PRDM16: variants seen among roughly 807,000 people sequenced by gnomAD.
PRDM16 encodes the protein histone-lysine N-methyltransferase PRDM16.
In PRDM16, 23 loss-of-function variants were observed where a neutral mutation model predicts 110.6. That is an observed-to-expected ratio of 0.21 (90% CI 0.15 to 0.29). PRDM16 has a LOEUF of 0.29. PRDM16 is among the 10% of genes least tolerant of loss of function. The pLI is 1.00. For synonymous variants in PRDM16, 799 were observed against 781.8 expected (o/e 1.02, Z -0.37); for missense variants, 1,615 against 1,794.3 (o/e 0.90, Z 1.81).
In PRDM16 at chr1:3,209,015, G is replaced by C. The variant is rs1007176402; in HGVS notation, c.387+22541G>C. On this transcript the variant is annotated intron_variant, in intron 2 of 16. Coordinates refer to ENST00000270722, the MANE Select transcript of PRDM16 (RefSeq NM_022114.4). The surrounding 1 kb of genome is among the most constrained non-coding windows in gnomAD (Gnocchi z 4.6). Reference sequence around the variant, plus strand: ...AGTGACCACCTGCTTCTCAGCAGGTGGCTGGGACTTAACTCTCAAGGGTAT... The same window carrying C: ...AGTGACCACCTGCTTCTCAGCAGGTCGCTGGGACTTAACTCTCAAGGGTAT... 6.6e-6 allele frequency among the ~76,000 whole-genome samples: 1 copy of C among 152,184 alleles called. No homozygotes were observed. The highest frequency in any genetic ancestry group is 2.4e-5 in the African/African-American group (1 of 41,436).
At chr1:3,326,845 G>A (rs1170559833) in intron 3 of PRDM16, among the ~76,000 whole-genome samples, 1 of 152,214 alleles carries the variant, frequency 6.6e-6, no homozygotes, top group Admixed American at 6.5e-5. Context: ...AACAGAGAAG[G>A]TGGGCTCCTG....
At chr1:3,096,274 C>A (rs527794998) in intron 1 of PRDM16, among the ~76,000 whole-genome samples, 1 of 152,252 alleles carries the variant, frequency 6.6e-6, no homozygotes, top group Admixed American at 6.5e-5. Context: ...GGCAGTTCCC[C>A]ACAAGGCAGC....
intron 1 of PRDM16, among the ~76,000 whole-genome samples, chr1:3,137,839 C>T (rs1223420048): frequency 6.6e-6 from 1 of 152,236 alleles, no homozygotes; most frequent in African/African-American, 2.4e-5. Flanking sequence ...TCCGGAGGTC[C>T]CTGACCTCAC....
rs538376676 is a variant in PRDM16 at position 3,323,927 on chromosome 1, C to T, written c.439-61225C>T. Among the ~76,000 whole-genome samples the T allele has an allele frequency of 7.3e-4, 111 of 152,348 alleles. 2 individuals carry two copies. In the East Asian group the frequency reaches 0.02, roughly 28 times the overall value. On this transcript the variant is annotated intron_variant, in intron 3 of 16. Coordinates refer to ENST00000270722, the MANE Select transcript of PRDM16 (RefSeq NM_022114.4). ...CTCCTTACTCCACCAACATTGCGGG[C>T]AGCGGACGGGGCTGGTGAAGGGGTT...
chr1:3,416,159 T>C (rs927748201), intron 10 of PRDM16, among the ~76,000 whole-genome samples: 1 of 152,210 alleles, frequency 6.6e-6, no homozygotes, highest in Non-Finnish European at 1.5e-5. Flanking sequence ...TCTTTCTGGG[T>C]ATTTTTATCG....
At chr1:3,348,282 C>T (rs1642404436) in intron 3 of PRDM16, among the ~76,000 whole-genome samples, 1 of 152,220 alleles carries the variant, frequency 6.6e-6, no homozygotes, top group Non-Finnish European at 1.5e-5. Flanking sequence ...CCATGCAGCC[C>T]TCAGTGCCCA....
At chr1:3,401,956 C>A (rs1290797738) in intron 5 of PRDM16, among the ~76,000 whole-genome samples, 1 of 152,252 alleles carries the variant, frequency 6.6e-6, no homozygotes, top group Non-Finnish European at 1.5e-5. Flanking sequence ...CCCATGCAGG[C>A]CCACACAAAC....
At chr1:3,314,073 G>GGGGGC (rs200657926) in intron 3 of PRDM16, among the ~76,000 whole-genome samples, 1 of 141,720 alleles carries the variant, frequency 7.1e-6, no homozygotes, top group African/African-American at 3.0e-5. Flanking sequence ...TTCCCCACCG[G>GGGGGC]GGGGGGGGGC....
chr1:3,106,490 C>T (rs950776364), intron 1 of PRDM16, among the ~76,000 whole-genome samples: 1 of 152,160 alleles, frequency 6.6e-6, no homozygotes, highest in African/African-American at 2.4e-5. Flanking sequence ...GGCTCACACA[C>T]AGCGGGTACC....
chr1:3,124,821 G>A (rs1172835742), intron 1 of PRDM16, among the ~76,000 whole-genome samples: 3 of 152,186 alleles, frequency 2.0e-5, no homozygotes, highest in East Asian at 3.9e-4. Flanking sequence ...GTGGGAACAT[G>A]CCAGCTCCAG....
chr1:3,435,578 A>C lies in PRDM16; in HGVS notation c.*1767A>C, dbSNP rs1638884260. ...TAGAGTCCCAAAAAGAAGAGAAAAA[A>C]AATGCCCAAGTTGCCCTTTAAAAAA... On this transcript the variant is annotated 3_prime_UTR_variant, in exon 17 of 17. Transcript: ENST00000270722. 1 of 232,188 alleles carries C rather than the reference A, an allele frequency of 4.3e-6. No individual in the cohort carries two copies. The highest frequency in any genetic ancestry group is 2.2e-5 in the African/African-American group (1 of 45,124). 14.4% of individuals were successfully genotyped at this position (232,188 alleles called of 1,614,324 possible). A position where few individuals can be genotyped will look rare whatever the true frequency, so the allele number is the denominator to read the frequency against.
chr1:3,115,974 G>A (rs958722596), intron 1 of PRDM16, among the ~76,000 whole-genome samples: 7 of 152,208 alleles, frequency 4.6e-5, no homozygotes, highest in Admixed American at 6.5e-5. Flanking sequence ...CCAGCCTCCC[G>A]GGAGGACTCC....
chr1:3,376,042 G>T (rs1642984214), intron 3 of PRDM16, among the ~76,000 whole-genome samples: 1 of 152,084 alleles, frequency 6.6e-6, no homozygotes, highest in African/African-American at 2.4e-5. Context: ...GGTGCTTTGG[G>T]GGAGATGGTC....
At chr1:3,172,780 G>A (rs892604982) in intron 1 of PRDM16, among the ~76,000 whole-genome samples, 3 of 152,334 alleles carry the variant, frequency 2.0e-5, no homozygotes, top group Non-Finnish European at 2.9e-5. Flanking sequence ...GGTGGCTGCC[G>A]GGGCTGGGGG....
chr1:3,217,335 T>C (rs1363968456), intron 2 of PRDM16, among the ~76,000 whole-genome samples: 1 of 152,236 alleles, frequency 6.6e-6, no homozygotes, highest in Non-Finnish European at 1.5e-5. Context: ...GGCTGTCAGT[T>C]CAGAAGACGC....
chr1:3,124,922 T>C (rs1389122119), intron 1 of PRDM16, among the ~76,000 whole-genome samples: 2 of 152,076 alleles, frequency 1.3e-5, no homozygotes, highest in African/African-American at 4.8e-5. Context: ...GTCTCAGGGG[T>C]ACTGGAAGCG....
intron 1 of PRDM16, among the ~76,000 whole-genome samples, chr1:3,075,762 G>A (rs779894400): frequency 3.9e-5 from 6 of 152,378 alleles, no homozygotes; most frequent in Middle Eastern, 3.4e-3. Context: ...AGTGGAGGCC[G>A]TGGAGCCTGT....
Position 3,418,739 on chromosome 1 carries a change from G to A in PRDM16, c.2934G>A (p.Pro978=), listed in dbSNP as rs372850015. The change falls in exon 12 of 17, where the codon CCG becomes CCA. Residue 978 remains proline, a synonymous_variant. Transcript: ENST00000270722. ...TGAGGACGCACACTGGGGAGCAGCC[G>A]TACAGGTAGGTGCTGCGTGGGCTGG... is the stretch of plus-strand genomic sequence containing the variant. ...RHLRTHTGEQ[P]YRCKYCDRSF... is the part of the protein sequence containing the mutation. The A allele has an allele frequency of 3.6e-5, 58 of 1,612,210 alleles. No individual in the cohort carries two copies. The highest frequency in any genetic ancestry group is 4.2e-5 in the Non-Finnish European group (50 of 1,178,786).
chr1:3,397,851 C>T (rs1643408658), intron 5 of PRDM16, among the ~76,000 whole-genome samples: 1 of 152,190 alleles, frequency 6.6e-6, no homozygotes, highest in Non-Finnish European at 1.5e-5. Context: ...ACATGGAGAA[C>T]TCCGCCTTCA....
Sources: allele counts gnomAD v4.1 joint callset (sites outside exome capture counted in the v4.1 genomes callset), GRCh38; gene constraint gnomAD v4.1.1; non-coding constraint Gnocchi (gnomAD v3.1); transcripts MANE v1.5; gene names NCBI Gene and HGNC (gene_info 2026-07-23, HGNC 2026-07-21).